The following KCNH3 variants were observed in gnomAD, a reference collection of about 807,000 sequenced individuals.
KCNH3 encodes the protein potassium voltage-gated channel subfamily H member 3.
In KCNH3, 36 loss-of-function variants were observed where a neutral mutation model predicts 95.6. The observed-to-expected ratio is 0.38, with a 90% CI of 0.29 to 0.50. The LOEUF (loss-of-function observed/expected upper bound fraction) is 0.50. KCNH3 is among the 20% of genes least tolerant of loss of function. KCNH3 has a pLI of 0.95. For synonymous variants in KCNH3, 620 were observed against 646.3 expected, an observed-to-expected ratio of 0.96 and a Z score of 0.62; for missense variants, 1,030 against 1,484.1, an observed-to-expected ratio of 0.69 and a Z score of 5.03.
At chr12:49,552,120 G>A (rs543339917) in intron 10 of KCNH3, among the ~76,000 whole-genome samples, 1 of 152,312 alleles carries the variant, frequency 6.6e-6, no homozygotes, top group African/African-American at 2.4e-5. Flanking sequence ...GAGAGATTCC[G>A]AAGGGCACAA....
chr12:49,549,272 T>TCCGCTTTA, intron 8 of KCNH3, 99 bp downstream of exon 8: 1 of 1,481,404 alleles, frequency 6.8e-7, no homozygotes, highest in Non-Finnish European at 9.0e-7. Context: ...CGGGGGCTCT[T>TCCGCTTTA]CCGCTTTAGG....
intron 11 of KCNH3, among the ~76,000 whole-genome samples, 191 bp from the exon 12 acceptor site, chr12:49,555,429 A>G (rs1938403078): frequency 6.7e-6 from 1 of 150,132 alleles, no homozygotes; most frequent in Admixed American, 6.6e-5. Context: ...CCTGGGCGAC[A>G]GAGTAAGACT....
chr12:49,544,442 C>A, intron 7 of KCNH3, 60 bp downstream of exon 7: 1 of 1,531,786 alleles, frequency 6.5e-7, no homozygotes, highest in Non-Finnish European at 9.0e-7. Flanking sequence ...AGTGTGAGTG[C>A]CAGCGTGGGT....
Position 49,558,064 on chromosome 12 carries a change from G to A in KCNH3, c.*111G>A. On this transcript the variant is annotated 3_prime_UTR_variant, in exon 15 of 15. Transcript: ENST00000257981. Reference sequence around the variant, plus strand: ...CCCCACGGACTCCATGCGGCCCGCTGGCTCAGGGCAGGGAGCCTGGAAGCA... The same window carrying A: ...CCCCACGGACTCCATGCGGCCCGCTAGCTCAGGGCAGGGAGCCTGGAAGCA... The A allele has an allele frequency of 7.8e-7, 1 of 1,277,224 alleles. No individual in the cohort carries two copies. Among genetic ancestry groups the A allele is most frequent in the Non-Finnish European group, 1.0e-6 (1 of 970,018 alleles). 79.1% of individuals were successfully genotyped at this position (1,277,224 alleles called of 1,614,324 possible).
chr12:49,541,833 G>T, intron 3 of KCNH3, 69 bp downstream of exon 3: 1 of 1,566,696 alleles, frequency 6.4e-7, no homozygotes, highest in Non-Finnish European at 8.7e-7. Context: ...TTGGCACCCA[G>T]TCTGAGTACG....
At chr12:49,549,715 TG>T in intron 9 of KCNH3, 75 bp downstream of exon 9, 1 of 1,398,052 alleles carries the variant, frequency 7.2e-7, no homozygotes. Flanking sequence ...TTATCAGGAG[TG>T]GGGGAGGATG....
In KCNH3 at chr12:49,543,287, G is replaced by C; in HGVS notation, c.592G>C (p.Glu198Gln). 6.2e-7 allele frequency: 1 copy of C among 1,613,520 alleles called. No individual in the cohort carries two copies. The highest frequency in any genetic ancestry group is 8.5e-7 in the Non-Finnish European group (1 of 1,180,018). ...KHKLNKGVFG[E>Q]KPNLPEYKVA... ...CTGCCTCACTCAGGGGGTGTTTGGG[G>C]AGAAACCAAACTTGCCTGAGTACAA... is the stretch of plus-strand genomic sequence containing the variant. Residue 198 changes from glutamate (E) to glutamine (Q), a missense_variant, in exon 5 of 15, where the codon GAG becomes CAG. By Grantham distance (29) the Glu-to-Gln change is conservative (BLOSUM62 2). This residue lies in a region of KCNH3 where 92 missense variants were observed against 92.7 expected (regional missense o/e 0.99). Transcript: ENST00000257981.
At chr12:49,542,683 C>A in intron 3 of KCNH3, 23 bp from the exon 4 acceptor site, 1 of 1,553,952 alleles carries the variant, frequency 6.4e-7, no homozygotes, top group Non-Finnish European at 8.7e-7. Flanking sequence ...CCATCATCTT[C>A]ATGGGCCCCT....
In KCNH3 at chr12:49,558,115, A is replaced by C; in HGVS notation, c.*162A>C. ...AAGGAGGACCTGGCTCCTGACTCTC[A>C]GAGAGGATAGGCTGGATCCCTGGGG... On this transcript the variant is annotated 3_prime_UTR_variant, in exon 15 of 15. Coordinates refer to ENST00000257981, the MANE Select transcript of KCNH3 (RefSeq NM_012284.3). 4 of 736,760 alleles carry C rather than the reference A, an allele frequency of 5.4e-6. No individual in the cohort carries two copies. Among genetic ancestry groups the C allele is most frequent in the Non-Finnish European group, 7.8e-6 (4 of 512,234 alleles). 45.6% of individuals were successfully genotyped at this position (736,760 alleles called of 1,614,324 possible).
chr12:49,542,969 G>T, intron 4 of KCNH3, 130 bp downstream of exon 4: 1 of 1,237,180 alleles, frequency 8.1e-7, no homozygotes. Context: ...TGGGGGTTGG[G>T]ACTGAAGGAG....
intron 7 of KCNH3, among the ~76,000 whole-genome samples, chr12:49,545,552 C>T (rs1047192619): frequency 3.3e-5 from 5 of 151,982 alleles, no homozygotes; most frequent in South Asian, 2.1e-4. Context: ...GCCAGCACGC[C>T]GGCTAATTTT....
intron 10 of KCNH3, among the ~76,000 whole-genome samples, chr12:49,553,175 G>A (rs142887913): frequency 2.7e-4 from 41 of 152,034 alleles, no homozygotes; most frequent in African/African-American, 7.2e-4. Context: ...TCTCACTGTC[G>A]CCCAGGCTGG....
Position 49,539,181 on chromosome 12 carries a change from T to G in KCNH3, c.-236T>G. The G allele has an allele frequency of 6.4e-6, 1 of 155,252 alleles. No individual in the cohort carries two copies. 9.6% of individuals were successfully genotyped at this position (155,252 alleles called of 1,614,324 possible). A position where few individuals can be genotyped will look rare whatever the true frequency, so the allele number is the denominator to read the frequency against. ...CGGCCGCGGGGCCTGGAGCCCGGGA[T>G]TTGTGGGCGGCGAGGGCGCGAGGGG... On this transcript the variant is annotated 5_prime_UTR_variant, in exon 1 of 15. Coordinates refer to ENST00000257981, the MANE Select transcript of KCNH3 (RefSeq NM_012284.3). The surrounding 1 kb of genome is among the most constrained non-coding windows in gnomAD (Gnocchi z 6.7).
chr12:49,555,676 G>A lies in KCNH3; in HGVS notation c.2193G>A (p.Lys731=), dbSNP rs954269210. 2 of 1,602,190 alleles carry A rather than the reference G, an allele frequency of 1.2e-6. No homozygotes were observed. The highest frequency in any genetic ancestry group is 8.5e-7 in the Non-Finnish European group (1 of 1,172,704). ...CCCTTATGTCCACGCTGGAGGAGAA[G>A]GAGACAGATGGGGAGCAGGGCCCCA... is the stretch of plus-strand genomic sequence containing the variant. ...DNTLMSTLEE[K]ETDGEQGPTV... The change falls in exon 12 of 15, where the codon AAG becomes AAA. Residue 731 remains lysine, a synonymous_variant. Coordinates refer to ENST00000257981, the MANE Select transcript of KCNH3 (RefSeq NM_012284.3).
intron 7 of KCNH3, 59 bp from the exon 8 acceptor site, chr12:49,548,836 G>T: frequency 6.8e-7 from 1 of 1,478,028 alleles, no homozygotes; most frequent in Admixed American, 2.2e-5. Context: ...CACCCCCAGG[G>T]CCCGGCATCC....
chr12:49,554,283 T>TC, intron 10 of KCNH3, 54 bp from the exon 11 acceptor site: 1 of 1,442,144 alleles, frequency 6.9e-7, no homozygotes, highest in Non-Finnish European at 9.7e-7. Flanking sequence ...CCCCCTCTTC[T>TC]CTCCTCATGG....
chr12:49,545,551 C>A (rs966940266), intron 7 of KCNH3, among the ~76,000 whole-genome samples: 1 of 152,062 alleles, frequency 6.6e-6, no homozygotes. Flanking sequence ...CGCCAGCACG[C>A]CGGCTAATTT....
In KCNH3 at chr12:49,557,902, C is replaced by A; in HGVS notation, c.3201C>A (p.Cys1067Ter). ...GCCTGGAGATGGTGCTTATTGGCTG[C>A]CATGGCTCTGGCACAGTCCAGTGGA... is the stretch of plus-strand genomic sequence containing the variant. ...PHSLEMVLIGCHGSGTVQWTQ... is the reference protein window; with the variant it reads ...PHSLEMVLIG Residue 1067 changes from cysteine to a stop codon, truncating the protein, a stop_gained, in exon 15 of 15, where the codon TGC becomes TGA. Transcript: ENST00000257981. LOFTEE classifies it high-confidence loss of function. 1.3e-6 allele frequency: 2 copies of A among 1,537,426 alleles called. No homozygotes were observed. The highest frequency in any genetic ancestry group is 1.2e-5 in the South Asian group (1 of 80,070).
At position 49,555,762 on chromosome 12, in the gene KCNH3, C is replaced by A; in HGVS notation, c.2279C>A (p.Ser760Tyr). 1 of 1,613,664 alleles carries A rather than the reference C, an allele frequency of 6.2e-7. No individual in the cohort carries two copies. Among genetic ancestry groups the A allele is most frequent in the Non-Finnish European group, 8.5e-7 (1 of 1,179,896 alleles). ...SSPLLSPGCTSSSSAAKLLSP... is the reference protein window; with the variant it reads ...SSPLLSPGCTYSSSAAKLLSP... ...CCCCTGCTGTCCCCTGGCTGCACCT[C>A]CTCATCCTCAGCTGCCAAGCTGCTA... is the stretch of plus-strand genomic sequence containing the variant. Residue 760 changes from serine to tyrosine, a missense_variant, in exon 12 of 15, where the codon TCC (serine) becomes TAC (tyrosine). Coordinates refer to ENST00000257981, the MANE Select transcript of KCNH3 (RefSeq NM_012284.3).
Sources: gnomAD v4.1 joint callset for allele counts (sites outside exome capture counted in the v4.1 genomes callset) on GRCh38, gnomAD v4.1.1 for gene constraint, gnomAD v4.1.1 regional missense constraint, Gnocchi (gnomAD v3.1) non-coding constraint, MANE v1.5 for transcripts, NCBI Gene and HGNC (gene_info 2026-07-23, HGNC 2026-07-21) for gene names.